The following TDP1 variants were observed in gnomAD, a reference collection of about 807,000 sequenced individuals.
TDP1 encodes tyrosyl-DNA phosphodiesterase 1.
In TDP1, 64 loss-of-function variants were observed where a neutral mutation model predicts 81.5. That is an observed-to-expected ratio of 0.79 (90% confidence interval 0.64 to 0.97). The LOEUF (loss-of-function observed/expected upper bound fraction) is 0.97, where lower values mean the gene tolerates loss of function less well. Ranked by LOEUF, TDP1 falls within the 50% of genes least tolerant of loss-of-function variation. The pLI is 0.00. For synonymous variants in TDP1, 256 were observed against 264.3 expected, an observed-to-expected ratio of 0.97 and a Z score of 0.30; for missense variants, 723 against 743.8, an observed-to-expected ratio of 0.97 and a Z score of 0.33.
rs1246580050 is a variant in TDP1, at chr14:89,969,875, T to TA, written c.660-1300_660-1299insA. Among the ~76,000 whole-genome samples the TA allele has an allele frequency of 3.0e-3, 236 of 77,752 alleles. 2 individuals carry two copies. The highest frequency in any genetic ancestry group is 4.6e-3 in the Non-Finnish European group (183 of 39,430). The allele number at this position is 77,752 out of a possible 152,430, so 51.0% of individuals were successfully genotyped here. ...GAGAGCTTGTAGAAATATACTTATT[T>TA]CTTTTTTTTTTTTTTTTTTGAGGCG... On this transcript the variant is annotated intron_variant, in intron 5 of 16. Transcript: ENST00000335725.
chr14:89,983,180 A>G lies in TDP1; in HGVS notation c.885-1336A>G, dbSNP rs911686800. The G allele has an allele frequency of 8.8e-6, 4 of 455,600 alleles. No individual in the cohort carries two copies. In the East Asian group the frequency reaches 2.8e-4, roughly 32 times the overall value. 28.2% of individuals were successfully genotyped at this position (455,600 alleles called of 1,614,324 possible). On this transcript the variant is annotated intron_variant, in intron 8 of 16. Coordinates refer to ENST00000335725, the MANE Select transcript of TDP1 (RefSeq NM_018319.4). The stretch of plus-strand genomic sequence containing the variant: ...CTCAGCCTGGGAACTTTGAGGTGCT[A>G]TTGCAAGGGGAGGTCCTCCACGTCT...
intron 7 of TDP1, 84 bp downstream of exon 7, chr14:89,975,899 T>C: frequency 9.1e-7 from 1 of 1,099,412 alleles, no homozygotes; most frequent in Non-Finnish European, 1.4e-6. Context: ...AGACTGAGCA[T>C]GGTAGGCCCA....
intron 14 of TDP1, 116 bp from the exon 15 acceptor site, chr14:90,019,200 A>T: frequency 1.5e-6 from 2 of 1,313,958 alleles, no homozygotes; most frequent in Non-Finnish European, 2.1e-6. Flanking sequence ...CTAGAAAATG[A>T]ATGAATGTGA....
intron 16 of TDP1, chr14:90,033,493 A>G (rs1368261492): frequency 9.2e-6 from 4 of 434,224 alleles, no homozygotes; most frequent in African/African-American, 2.0e-5. Flanking sequence ...ATAAGTCAAA[A>G]ATGCATTTAA....
intron 15 of TDP1, chr14:90,032,837 CTCT>C (rs1248777304): frequency 5.0e-5 from 49 of 984,886 alleles, no homozygotes; most frequent in Non-Finnish European, 5.5e-5. Flanking sequence ...AAAATTGTCT[CTCT>C]TGTTTCTTTG....
chr14:89,982,868 G>A (rs1281632226), intron 8 of TDP1, among the ~76,000 whole-genome samples: 1 of 152,048 alleles, frequency 6.6e-6, no homozygotes, highest in Non-Finnish European at 1.5e-5. Context: ...AGCAGTTTTT[G>A]TATACAATCT....
At chr14:90,022,188 G>A (rs1566918032) in intron 15 of TDP1, among the ~76,000 whole-genome samples, 1 of 152,222 alleles carries the variant, frequency 6.6e-6, no homozygotes, top group African/African-American at 2.4e-5. Context: ...GTGAGAGCTG[G>A]GTGCTGAGAT....
At chr14:89,995,152 C>G (rs1419413936) in intron 14 of TDP1, among the ~76,000 whole-genome samples, 1 of 152,170 alleles carries the variant, frequency 6.6e-6, no homozygotes, top group Non-Finnish European at 1.5e-5. Flanking sequence ...TCTGTAATAA[C>G]TGGACTGAAA....
intron 5 of TDP1, among the ~76,000 whole-genome samples, 190 bp downstream of exon 5, chr14:89,967,612 A>C (rs935758141): frequency 1.3e-5 from 2 of 152,162 alleles, no homozygotes; most frequent in African/African-American, 4.8e-5. Context: ...CATTCTTTTT[A>C]CGGATTTTAG....
chr14:89,985,893 G>C (rs1016439092), intron 10 of TDP1, among the ~76,000 whole-genome samples: 3 of 152,174 alleles, frequency 2.0e-5, no homozygotes, highest in Non-Finnish European at 4.4e-5. Context: ...CGGGCATGAT[G>C]GCAGGCACCT....
chr14:89,960,586 C>G (rs1477906606), intron 2 of TDP1, among the ~76,000 whole-genome samples: 1 of 152,210 alleles, frequency 6.6e-6, no homozygotes, highest in Non-Finnish European at 1.5e-5. Context: ...AAGAGCCAGA[C>G]AGTCTAGGGT....
At chr14:89,970,058 A>T (rs2139998637) in intron 5 of TDP1, among the ~76,000 whole-genome samples, 1 of 151,080 alleles carries the variant, frequency 6.6e-6, no homozygotes, top group Middle Eastern at 3.4e-3. Flanking sequence ...TTGTATTTTT[A>T]GTAGAGACGG....
At chr14:89,960,837 G>T (rs1018686429) in intron 2 of TDP1, among the ~76,000 whole-genome samples, 4 of 152,170 alleles carry the variant, frequency 2.6e-5, no homozygotes, top group African/African-American at 9.7e-5. Flanking sequence ...AAAAGGGATA[G>T]ATACCTTTAA....
intron 14 of TDP1, 95 bp downstream of exon 14, chr14:89,993,578 T>C (rs1415081934): frequency 1.1e-5 from 17 of 1,534,442 alleles, no homozygotes; most frequent in Non-Finnish European, 1.4e-5. Context: ...AAGTGATTAG[T>C]GAGTTGTCAT....
intron 15 of TDP1, among the ~76,000 whole-genome samples, chr14:90,021,152 T>G (rs1476791981): frequency 6.6e-6 from 1 of 152,150 alleles, no homozygotes; most frequent in East Asian, 1.9e-4. Flanking sequence ...GTTCACTGTT[T>G]CTCACACCGT....
chr14:90,042,796 G>T (rs914557641), intron 16 of TDP1: 1 of 836,762 alleles, frequency 1.2e-6, no homozygotes, highest in South Asian at 5.4e-5. Context: ...TCCCTCCCAC[G>T]ATATGTGGGA....
chr14:90,019,367 G>C lies in TDP1; in HGVS notation c.1593G>C (p.Gln531His). Residue 531 changes from glutamine (Q) to histidine (H), a missense_variant, in exon 15 of 17, where the codon CAG becomes CAC. Coordinates refer to ENST00000335725, the MANE Select transcript of TDP1 (RefSeq NM_018319.4). ...GAGCATTGGAGAAGAATGGCACCCA[G>C]CTGATGATCCGCTCCTACGAGCTCG... ...AWGALEKNGT[Q>H]LMIRSYELGV... 6.2e-7 allele frequency: 1 copy of C among 1,613,510 alleles called. No individual in the cohort carries two copies. The highest frequency in any genetic ancestry group is 8.5e-7 in the Non-Finnish European group (1 of 1,179,460).
At chr14:90,001,931 C>G (rs1052550383) in intron 14 of TDP1, among the ~76,000 whole-genome samples, 1 of 152,100 alleles carries the variant, frequency 6.6e-6, no homozygotes, top group African/African-American at 2.4e-5. Flanking sequence ...CTCTTTGCTT[C>G]CCTGTGTCAT....
At chr14:89,989,859 T>C in intron 12 of TDP1, 94 bp downstream of exon 12, 1 of 939,784 alleles carries the variant, frequency 1.1e-6, no homozygotes. Context: ...AATTTGGAGA[T>C]GGTTTTCACT....
Sources: allele counts gnomAD v4.1 joint callset (sites outside exome capture counted in the v4.1 genomes callset), GRCh38; gene constraint gnomAD v4.1.1; transcripts MANE v1.5; gene names NCBI Gene and HGNC (gene_info 2026-07-23, HGNC 2026-07-21).